Variants in RBMS1 observed in about 807,000 individuals in gnomAD.
The protein encoded by RBMS1 is RNA binding motif single stranded interacting protein 1, also known as RNA-binding motif, single-stranded-interacting protein 1.
In RBMS1, 17 loss-of-function variants were observed where a neutral mutation model predicts 62.3. The observed-to-expected ratio is 0.27, with a 90% CI of 0.19 to 0.41. The LOEUF is 0.41. RBMS1 is among the 10% of genes least tolerant of loss of function. The pLI is 1.00. For synonymous variants in RBMS1, 172 were observed against 170.0 expected (o/e 1.01, Z -0.09); for missense variants, 334 against 504.5 (o/e 0.66, Z 3.24).
intron 2 of RBMS1, among the ~76,000 whole-genome samples, chr2:160,324,907 TACACACACAC>T (rs1183675474): frequency 1.0e-4 from 11 of 106,778 alleles, no homozygotes; most frequent in African/African-American, 4.6e-4. Context: ...TATATATATA[TACACACACAC>T]ACACACACAC....
At chr2:160,314,943 T>C (rs7593730) in intron 3 of RBMS1, among the ~76,000 whole-genome samples, 114,089 of 152,068 alleles carry the variant, frequency 0.75, 43,503 homozygotes, top group East Asian at 0.84. Flanking sequence ...CTCTCTCATA[T>C]AGTTTCAGCA....
chr2:160,486,035 T>C (rs750639402), intron 1 of RBMS1, among the ~76,000 whole-genome samples: 1 of 152,190 alleles, frequency 6.6e-6, no homozygotes, highest in Non-Finnish European at 1.5e-5. Flanking sequence ...TATAATTTAC[T>C]TTTCCTAATG....
chr2:160,273,336 G>A lies in RBMS1; in HGVS notation c.*1436C>T, dbSNP rs959447538. ...TAAAATTATAAAACCTAAATGCAAA[G>A]GTACAAAAAAGGCACATTCTCCTAA... is the stretch of plus-strand genomic sequence containing the variant. On this transcript the variant is annotated 3_prime_UTR_variant, in exon 14 of 14. Transcript: ENST00000348849. 1 of 152,042 alleles carries A rather than the reference G, an allele frequency of 6.6e-6. No homozygotes were observed. Among genetic ancestry groups the A allele is most frequent in the African/African-American group, 2.4e-5 (1 of 41,384 alleles). 9.4% of individuals were successfully genotyped at this position (152,042 alleles called of 1,614,324 possible). A position where few individuals can be genotyped will look rare whatever the true frequency, so the allele number is the denominator to read the frequency against.
intron 1 of RBMS1, among the ~76,000 whole-genome samples, chr2:160,480,644 A>G (rs927883930): frequency 6.6e-6 from 1 of 152,246 alleles, no homozygotes; most frequent in Non-Finnish European, 1.5e-5. Context: ...ATTGATGTAT[A>G]GATTTAGTAT....
At chr2:160,449,291 G>GCC (rs1683852674) in intron 1 of RBMS1, among the ~76,000 whole-genome samples, 1 of 152,216 alleles carries the variant, frequency 6.6e-6, no homozygotes, top group Admixed American at 6.5e-5. Flanking sequence ...GAAGTGAGGA[G>GCC]CCCCTCTGCC....
intron 2 of RBMS1, among the ~76,000 whole-genome samples, chr2:160,326,675 C>A (rs1225420833): frequency 6.6e-6 from 1 of 152,062 alleles, no homozygotes; most frequent in East Asian, 1.9e-4. Context: ...GAGAGAGATG[C>A]CACATTTTAT....
At chr2:160,280,594 C>T (rs773181785) in intron 10 of RBMS1, among the ~76,000 whole-genome samples, 10 of 152,120 alleles carry the variant, frequency 6.6e-5, no homozygotes, top group Non-Finnish European at 1.3e-4. Flanking sequence ...TATTGCTTAC[C>T]AGGATTCCCA....
At chr2:160,321,249 C>G (rs1251269121) in intron 2 of RBMS1, among the ~76,000 whole-genome samples, 2 of 152,186 alleles carry the variant, frequency 1.3e-5, no homozygotes, top group African/African-American at 4.8e-5. Flanking sequence ...TGAGTCCGCT[C>G]TGCCAGTGCA....
At chr2:160,333,451 C>T (rs1691392248) in intron 2 of RBMS1, among the ~76,000 whole-genome samples, 1 of 152,160 alleles carries the variant, frequency 6.6e-6, no homozygotes, top group Non-Finnish European at 1.5e-5. Flanking sequence ...AGCCTGGGAC[C>T]CTTCCACAGG....
chr2:160,452,539 T>C (rs1684037211), intron 1 of RBMS1, among the ~76,000 whole-genome samples: 1 of 152,248 alleles, frequency 6.6e-6, no homozygotes, highest in South Asian at 2.1e-4. Flanking sequence ...TATTCATTGT[T>C]TATTTTTAAA....
intron 2 of RBMS1, among the ~76,000 whole-genome samples, chr2:160,326,824 T>G (rs1690958797): frequency 6.6e-6 from 1 of 152,178 alleles, no homozygotes; most frequent in Non-Finnish European, 1.5e-5. Context: ...TTTGAAGAAG[T>G]CTTAAATGCT....
intron 1 of RBMS1, among the ~76,000 whole-genome samples, chr2:160,417,959 T>C (rs1195377390): frequency 6.6e-6 from 1 of 152,188 alleles, no homozygotes; most frequent in Non-Finnish European, 1.5e-5. Context: ...AACTTCACCC[T>C]AATCTCACAA....
At chr2:160,492,449 C>A (rs1045583234) in intron 1 of RBMS1, among the ~76,000 whole-genome samples, 6 of 152,200 alleles carry the variant, frequency 3.9e-5, no homozygotes, top group Non-Finnish European at 7.3e-5. Flanking sequence ...TGTTGTTACC[C>A]AAGAGTGTGC....
At chr2:160,443,357 T>G (rs1466932152) in intron 1 of RBMS1, among the ~76,000 whole-genome samples, 1 of 152,144 alleles carries the variant, frequency 6.6e-6, no homozygotes, top group Non-Finnish European at 1.5e-5. Flanking sequence ...GTTAAGCATG[T>G]GCTATAGTCT....
chr2:160,318,194 CA>C lies in RBMS1; in HGVS notation c.284del (p.Leu95TrpfsTer29). 2 of 1,526,512 alleles carry C rather than the reference CA, an allele frequency of 1.3e-6. No homozygotes were observed. The highest frequency in any genetic ancestry group is 3.9e-5 in the Admixed American group (2 of 50,882). 94.6% of individuals were successfully genotyped at this position (1,526,512 alleles called of 1,614,324 possible). A position where few individuals can be genotyped will look rare whatever the true frequency, so the allele number is the denominator to read the frequency against. On this transcript the variant is annotated frameshift_variant, in exon 3 of 14. Coordinates refer to ENST00000348849, the MANE Select transcript of RBMS1 (RefSeq NM_016836.4). LOFTEE classifies it high-confidence loss of function. ...CTTTGCATTTGTTCGTTGTCTTATC[CA>C]AAATTGCCTTTGTGGAGACTATTTT... ...YGKIVSTKAI[L>X]DKTTNKCKGY...
At chr2:160,276,215 A>C (rs1467683677) in intron 12 of RBMS1, among the ~76,000 whole-genome samples, 1 of 152,230 alleles carries the variant, frequency 6.6e-6, no homozygotes, top group Non-Finnish European at 1.5e-5. Context: ...GTTTTATGCT[A>C]AAGTAGTTAC....
intron 1 of RBMS1, among the ~76,000 whole-genome samples, chr2:160,376,836 T>C (rs1390166546): frequency 6.6e-6 from 1 of 150,568 alleles, no homozygotes; most frequent in East Asian, 1.9e-4. Flanking sequence ...AATAAAAACT[T>C]TCTTTGTAGA....
intron 2 of RBMS1, among the ~76,000 whole-genome samples, chr2:160,356,666 A>G (rs1031191823): frequency 6.6e-6 from 1 of 152,162 alleles, no homozygotes; most frequent in Non-Finnish European, 1.5e-5. Flanking sequence ...AAGCAGCAAG[A>G]AGGCCCTCAC....
intron 5 of RBMS1, among the ~76,000 whole-genome samples, chr2:160,300,968 G>A (rs1263001662): frequency 6.6e-6 from 1 of 152,184 alleles, no homozygotes; most frequent in Non-Finnish European, 1.5e-5. Context: ...AATCTACTGA[G>A]TGTTTAAGAT....
Sources: gnomAD v4.1 joint callset for allele counts (sites outside exome capture counted in the v4.1 genomes callset) on GRCh38, gnomAD v4.1.1 for gene constraint, MANE v1.5 for transcripts, NCBI Gene and HGNC (gene_info 2026-07-23, HGNC 2026-07-21) for gene names.